PCDH15: variants seen among roughly 807,000 people sequenced by gnomAD.
PCDH15 encodes the protein protocadherin-15.
In PCDH15, 129 loss-of-function variants were observed where a neutral mutation model predicts 178.5. The ratio of observed to expected loss-of-function variants is 0.72; its 90% CI spans 0.63 to 0.84. PCDH15 has a LOEUF of 0.84. PCDH15 is among the 40% of genes least tolerant of loss of function. The pLI is 0.00. For missense variants in PCDH15, 2,230 were observed against 2,099.9 expected, an observed-to-expected ratio of 1.06 and a Z score of -1.21; for synonymous variants, 800 against 732.0, an observed-to-expected ratio of 1.09 and a Z score of -1.50.
rs111683383 is a variant in PCDH15, at chr10:54,208,510, A to G, written c.1098+5426T>C. Among the ~76,000 whole-genome samples, 1,478 of 152,022 alleles carry G rather than the reference A, an allele frequency of 9.7e-3. 25 individuals carry two copies. The highest frequency in any genetic ancestry group is 0.033 in the African/African-American group (1,374 of 41,462). Reference sequence around the variant, plus strand: ...CCCCAGAAAGCTCTCTCACCCTCTCACCCTCTCATCCTCTCATCCTCTTTC... The same window carrying G: ...CCCCAGAAAGCTCTCTCACCCTCTCGCCCTCTCATCCTCTCATCCTCTTTC... On this transcript the variant is annotated intron_variant, in intron 10 of 37. Coordinates refer to ENST00000644397, the MANE Select transcript of PCDH15 (RefSeq NM_001384140.1).
chr10:54,538,110 T>C (rs2132895336), intron 2 of PCDH15, among the ~76,000 whole-genome samples: 1 of 152,362 alleles, frequency 6.6e-6, no homozygotes, highest in Admixed American at 6.5e-5. Context: ...CAGAAGCTCT[T>C]TAGTTTATGT....
At chr10:54,521,977 A>G (rs1228020109) in intron 3 of PCDH15, among the ~76,000 whole-genome samples, 1 of 149,808 alleles carries the variant, frequency 6.7e-6, no homozygotes, top group Non-Finnish European at 1.5e-5. Flanking sequence ...GGTCCTAGCT[A>G]CTCGGGAGGC....
chr10:55,176,205 C>T (rs7081125), intron 1 of PCDH15, among the ~76,000 whole-genome samples: 94,479 of 151,872 alleles, frequency 0.62, 29,929 homozygotes, highest in East Asian at 0.67. Context: ...TCCCTCAGTA[C>T]GACCATGAGG....
intron 2 of PCDH15, among the ~76,000 whole-genome samples, chr10:55,122,772 A>C (rs1163222835): frequency 6.6e-6 from 1 of 152,190 alleles, no homozygotes; most frequent in African/African-American, 2.4e-5. Flanking sequence ...ATGTAAATCT[A>C]AACTAAGCTT....
chr10:54,553,743 T>A (rs1282499184), intron 2 of PCDH15, among the ~76,000 whole-genome samples: 1 of 152,122 alleles, frequency 6.6e-6, no homozygotes, highest in East Asian at 1.9e-4. Context: ...AGAGTCAGGT[T>A]CTGTATAAAA....
intron 2 of PCDH15, among the ~76,000 whole-genome samples, chr10:55,326,233 G>A (rs1359004304): frequency 1.3e-5 from 2 of 152,248 alleles, no homozygotes; most frequent in Admixed American, 6.5e-5. Context: ...CCATTATTGT[G>A]TGTATACCCA....
At chr10:55,136,493 AAG>A (rs1398765604) in intron 2 of PCDH15, among the ~76,000 whole-genome samples, 3 of 152,120 alleles carry the variant, frequency 2.0e-5, no homozygotes, top group Admixed American at 2.0e-4. Context: ...AAGGAAAAAA[AAG>A]AGTATTATAG....
chr10:53,941,175 T>A (rs2086033299), intron 23 of PCDH15, among the ~76,000 whole-genome samples, 200 bp from the exon 24 acceptor site: 1 of 152,202 alleles, frequency 6.6e-6, no homozygotes, highest in African/African-American at 2.4e-5. Flanking sequence ...TGACCCATTA[T>A]CACTGAAAGT....
intron 1 of PCDH15, among the ~76,000 whole-genome samples, chr10:54,720,460 CTT>C (rs1252620479): frequency 6.6e-6 from 1 of 151,464 alleles, no homozygotes; most frequent in Non-Finnish European, 1.5e-5. Context: ...TAACAAAAGA[CTT>C]TTCAGCAGAA....
At chr10:54,236,127 T>C (rs958167948) in intron 9 of PCDH15, among the ~76,000 whole-genome samples, 4 of 152,116 alleles carry the variant, frequency 2.6e-5, no homozygotes, top group African/African-American at 9.7e-5. Flanking sequence ...AAGCCCTTTC[T>C]CCCTTAAAAG....
chr10:53,933,531 C>T (rs1384055116), intron 25 of PCDH15, among the ~76,000 whole-genome samples: 2 of 152,138 alleles, frequency 1.3e-5, no homozygotes, highest in East Asian at 1.9e-4. Flanking sequence ...GTATAGTATT[C>T]CATGGTGTAT....
At chr10:55,110,262 A>G (rs1238062357) in intron 2 of PCDH15, among the ~76,000 whole-genome samples, 1 of 152,060 alleles carries the variant, frequency 6.6e-6, no homozygotes, top group Non-Finnish European at 1.5e-5. Context: ...GGATACAGAA[A>G]TCACAACAGG....
intron 20 of PCDH15, among the ~76,000 whole-genome samples, chr10:54,009,155 C>G (rs2092485209): frequency 6.6e-6 from 1 of 151,742 alleles, no homozygotes; most frequent in Non-Finnish European, 1.5e-5. Context: ...TCAGGTTACC[C>G]CAGAAAAGAT....
intron 27 of PCDH15, among the ~76,000 whole-genome samples, chr10:53,862,743 TA>T (rs1294851832): frequency 2.6e-5 from 4 of 152,290 alleles, no homozygotes; most frequent in African/African-American, 9.6e-5. Flanking sequence ...TGTTAGTCCA[TA>T]AAAAAAGCAG....
At chr10:54,346,511 C>T (rs1385872141) in intron 5 of PCDH15, 27 bp from the exon 6 acceptor site, 1 of 1,611,230 alleles carries the variant, frequency 6.2e-7, no homozygotes, top group Non-Finnish European at 8.5e-7. Flanking sequence ...TTTTAAATAT[C>T]AATTTTCATT....
At chr10:54,261,995 G>A (rs886945406) in intron 8 of PCDH15, among the ~76,000 whole-genome samples, 3 of 152,128 alleles carry the variant, frequency 2.0e-5, no homozygotes, top group Non-Finnish European at 2.9e-5. Flanking sequence ...CACCAGGACT[G>A]GCCCATATAC....
intron 2 of PCDH15, among the ~76,000 whole-genome samples, chr10:54,965,122 T>C (rs538183308): frequency 2.0e-5 from 3 of 152,340 alleles, no homozygotes; most frequent in African/African-American, 7.2e-5. Flanking sequence ...GACCCATTCA[T>C]GGGCAAGGAA....
At chr10:54,769,461 A>C (rs1447561691) in intron 1 of PCDH15, among the ~76,000 whole-genome samples, 1 of 151,402 alleles carries the variant, frequency 6.6e-6, no homozygotes, top group Non-Finnish European at 1.5e-5. Context: ...TTTTTCAAAA[A>C]TTAGTGACTT....
intron 2 of PCDH15, among the ~76,000 whole-genome samples, chr10:55,349,417 A>G (rs1232992534): frequency 6.6e-6 from 1 of 152,156 alleles, no homozygotes; most frequent in African/African-American, 2.4e-5. Flanking sequence ...ATCTATTCAC[A>G]TCCTGTATCT....
Sources: gnomAD v4.1 joint callset for allele counts (sites outside exome capture counted in the v4.1 genomes callset) on GRCh38, gnomAD v4.1.1 for gene constraint, MANE v1.5 for transcripts, NCBI Gene and HGNC (gene_info 2026-07-23, HGNC 2026-07-21) for gene names.